The following HFM1 variants were observed in gnomAD, a reference collection of about 807,000 sequenced individuals.
The protein encoded by HFM1 is helicase for meiosis 1, also known as probable ATP-dependent DNA helicase HFM1.
HFM1 carries 169 observed loss-of-function variants against 192.1 expected under a neutral mutation model. The ratio of observed to expected loss-of-function variants is 0.88; its 90% CI spans 0.78 to 1.00. The LOEUF (loss-of-function observed/expected upper bound fraction) is 1.00, where lower values mean the gene tolerates loss of function less well. Ranked by LOEUF, HFM1 falls within the 50% of genes least tolerant of loss-of-function variation. HFM1 has a pLI of 0.00. For missense variants in HFM1, 1,661 were observed against 1,668.0 expected (o/e 1.00, Z 0.07); for synonymous variants, 525 against 537.8 (o/e 0.98, Z 0.33).
At chr1:91,372,699 C>T (rs148047721) in intron 13 of HFM1, among the ~76,000 whole-genome samples, 2,375 of 152,018 alleles carry the variant, frequency 0.016, 35 homozygotes, top group Non-Finnish European at 0.025. Flanking sequence ...CAAAACTGCA[C>T]GTTGTGCACA....
rs1348840823 is a variant in HFM1, at chr1:91,329,011, C to G, written c.2336-4245G>C. 4 of 1,612,364 alleles carry G rather than the reference C, an allele frequency of 2.5e-6. No homozygotes were observed. In the African/African-American group the frequency reaches 5.3e-5, roughly 21 times the overall value. On this transcript the variant is annotated intron_variant, in intron 20 of 38. Transcript: ENST00000370425. ...TGCCAATCCAGGAATTCCACCTGAG[C>G]TGGATTCTGCAGGAGCTAGAACCAG...
intron 4 of HFM1, among the ~76,000 whole-genome samples, chr1:91,387,125 A>T (rs990055946): frequency 1.3e-5 from 2 of 152,242 alleles, no homozygotes; most frequent in Non-Finnish European, 2.9e-5. Flanking sequence ...CACATCTTAT[A>T]GAATAAGTAA....
chr1:91,299,755 T>C (rs1392926759), intron 30 of HFM1, among the ~76,000 whole-genome samples: 3 of 152,084 alleles, frequency 2.0e-5, no homozygotes, highest in African/African-American at 4.8e-5. Context: ...AGACACAACA[T>C]ACCAGAATCT....
chr1:91,283,812 C>T (rs1421040674), intron 30 of HFM1, among the ~76,000 whole-genome samples: 1 of 151,912 alleles, frequency 6.6e-6, no homozygotes, highest in African/African-American at 2.4e-5. Flanking sequence ...AAAAGAAGTC[C>T]AGACAATAAA....
intron 20 of HFM1, chr1:91,328,862 G>A: frequency 6.2e-7 from 1 of 1,610,970 alleles, no homozygotes; most frequent in Non-Finnish European, 8.5e-7. Context: ...CGAGGCAGAG[G>A]CCAGCTGTGC....
chr1:91,377,952 C>A, intron 11 of HFM1, 73 bp downstream of exon 11: 1 of 1,378,632 alleles, frequency 7.3e-7, no homozygotes, highest in Non-Finnish European at 1.0e-6. Context: ...ATTCACTTTT[C>A]TCTATGATCA....
At chr1:91,401,136 T>C (rs1174403697) in intron 1 of HFM1, 27 bp from the exon 2 acceptor site, 12 of 952,744 alleles carry the variant, frequency 1.3e-5, no homozygotes, top group South Asian at 3.3e-5. Flanking sequence ...AAGTAGTTTA[T>C]ATTTTATTTA....
At chr1:91,382,456 C>G (rs1661664654) in intron 6 of HFM1, among the ~76,000 whole-genome samples, 1 of 152,158 alleles carries the variant, frequency 6.6e-6, no homozygotes, top group Non-Finnish European at 1.5e-5. Flanking sequence ...ATCCCAAATA[C>G]TTAGAACAGT....
At chr1:91,363,548 G>A (rs895572454) in intron 13 of HFM1, among the ~76,000 whole-genome samples, 4 of 151,558 alleles carry the variant, frequency 2.6e-5, no homozygotes, top group Admixed American at 2.6e-4. Flanking sequence ...ACAGATGCTG[G>A]CGAGGTTGCA....
chr1:91,329,167 A>C, intron 20 of HFM1: 1 of 1,609,830 alleles, frequency 6.2e-7, no homozygotes, highest in South Asian at 1.1e-5. Flanking sequence ...CAGCGACTTG[A>C]CCCCAACAAG....
At chr1:91,329,403 T>A (rs1350442431) in intron 20 of HFM1, 3 of 1,579,736 alleles carry the variant, frequency 1.9e-6, no homozygotes, top group African/African-American at 2.7e-5. Flanking sequence ...CCTGGATGAT[T>A]TCTTCAAGGT....
chr1:91,361,210 GGAGATAGAGACAT>G (rs1658456383), intron 13 of HFM1, among the ~76,000 whole-genome samples: 1 of 151,500 alleles, frequency 6.6e-6, no homozygotes, highest in African/African-American at 2.4e-5. Context: ...CTGAACCGAA[GGAGATAGAGACAT>G]GAAAAAACCC....
chr1:91,369,070 CCA>C (rs1025672084), intron 13 of HFM1, among the ~76,000 whole-genome samples: 28 of 152,134 alleles, frequency 1.8e-4, no homozygotes, highest in Middle Eastern at 3.4e-3. Flanking sequence ...ATATATGCAC[CCA>C]ATACAGGAGC....
chr1:91,376,750 T>G (rs1416335289), intron 11 of HFM1, among the ~76,000 whole-genome samples: 1 of 151,780 alleles, frequency 6.6e-6, no homozygotes, highest in Non-Finnish European at 1.5e-5. Flanking sequence ...CTATAAATAT[T>G]TAAAAATAAT....
chr1:91,362,946 A>C (rs1027019767), intron 13 of HFM1, among the ~76,000 whole-genome samples: 1 of 152,134 alleles, frequency 6.6e-6, no homozygotes, highest in Non-Finnish European at 1.5e-5. Context: ...CTATTTAATA[A>C]ATGGTGCTGG....
intron 36 of HFM1, among the ~76,000 whole-genome samples, chr1:91,263,078 C>T (rs1166185676): frequency 6.6e-6 from 1 of 152,032 alleles, no homozygotes; most frequent in Non-Finnish European, 1.5e-5. Context: ...AGATATTGTA[C>T]TAGAAGCTGT....
rs1557492721 is a variant in HFM1, at chr1:91,379,195, C to T, written c.1026G>A (p.Leu342=). 1 of 1,606,244 alleles carries T rather than the reference C, an allele frequency of 6.2e-7. No homozygotes were observed. Among genetic ancestry groups the T allele is most frequent in the East Asian group, 2.2e-5 (1 of 44,672 alleles). The change falls in exon 9 of 39, where the codon TTG becomes TTA. Residue 342 remains leucine, a synonymous_variant. Coordinates refer to ENST00000370425, the MANE Select transcript of HFM1 (RefSeq NM_001017975.6). ...KIVYMAPIKA[L]CSQRFDDWKE... ...TCCAGTCATCAAAACGCTGACTGCA[C>T]AAGGCTTTTATTGGTGCCACTGTAA...
chr1:91,323,197 A>C lies in HFM1; in HGVS notation c.2430T>G (p.Val810=). The C allele has an allele frequency of 6.8e-7, 1 of 1,467,792 alleles. No homozygotes were observed. The highest frequency in any genetic ancestry group is 9.5e-7 in the Non-Finnish European group (1 of 1,055,986). The allele number at this position is 1,467,792 out of a possible 1,614,324, so 90.9% of individuals were successfully genotyped here. ...ISGKETLSDL[V]TLIAGCKEFL... is the part of the protein sequence containing the mutation. Reference sequence around the variant, plus strand: ...ATTCCTTGCAGCCAGCTATCAATGTAACCTATAACATTTCAGTAGTTGTCC... The same window carrying C: ...ATTCCTTGCAGCCAGCTATCAATGTCACCTATAACATTTCAGTAGTTGTCC... The change falls in exon 22 of 39, where the codon GTT becomes GTG. Residue 810 remains valine (V), a splice_region_variant and synonymous_variant. Transcript: ENST00000370425.
intron 9 of HFM1, 70 bp downstream of exon 9, chr1:91,378,993 T>G: frequency 1.1e-6 from 1 of 930,488 alleles, no homozygotes; most frequent in Non-Finnish European, 1.5e-6. Context: ...TTTAAACTTT[T>G]TATCTCAGTA....
Sources: allele counts gnomAD v4.1 joint callset (sites outside exome capture counted in the v4.1 genomes callset), GRCh38; gene constraint gnomAD v4.1.1; transcripts MANE v1.5; gene names NCBI Gene and HGNC (gene_info 2026-07-23, HGNC 2026-07-21).